SLC17A8: variants seen among roughly 807,000 people sequenced by gnomAD.
SLC17A8 encodes vesicular glutamate transporter 3.
Under a neutral mutation model 58.0 loss-of-function variants are expected in SLC17A8, and 31 were observed. That is an observed-to-expected ratio of 0.53 (90% CI 0.40 to 0.72). The LOEUF (loss-of-function observed/expected upper bound fraction) is 0.72, where lower values mean the gene tolerates loss of function less well. SLC17A8 is among the 30% of genes least tolerant of loss of function. The pLI is 0.00. For synonymous variants in SLC17A8, 228 were observed against 249.0 expected (o/e 0.92, Z 0.79); for missense variants, 655 against 727.8 (o/e 0.90, Z 1.15).
At chr12:100,360,082 A>G (rs1014376522) in intron 1 of SLC17A8, among the ~76,000 whole-genome samples, 2 of 152,224 alleles carry the variant, frequency 1.3e-5, no homozygotes, top group Non-Finnish European at 2.9e-5. Flanking sequence ...GAGTTCGCAC[A>G]CAGGCTTGAT....
intron 5 of SLC17A8, among the ~76,000 whole-genome samples, chr12:100,398,237 T>A (rs1378622916): frequency 6.6e-6 from 1 of 152,162 alleles, no homozygotes; most frequent in Non-Finnish European, 1.5e-5. Flanking sequence ...AGCTGAGATG[T>A]CTTTACATAT....
intron 4 of SLC17A8, among the ~76,000 whole-genome samples, chr12:100,394,475 C>T (rs569137602): frequency 1.1e-3 from 171 of 149,392 alleles, no homozygotes; most frequent in Non-Finnish European, 2.0e-3. Context: ...GATCTCGGCC[C>T]GTTGCAACAT....
chr12:100,367,712 G>A (rs888987606), intron 1 of SLC17A8, among the ~76,000 whole-genome samples: 3 of 152,024 alleles, frequency 2.0e-5, no homozygotes, highest in African/African-American at 7.2e-5. Flanking sequence ...CACCATGCTT[G>A]GCTAATTTTT....
intron 1 of SLC17A8, among the ~76,000 whole-genome samples, chr12:100,379,758 T>C (rs1216745607): frequency 1.6e-5 from 1 of 62,360 alleles, no homozygotes; most frequent in Non-Finnish European, 2.5e-5. Context: ...ATAATTGGAA[T>C]CTATAGAGGT....
At chr12:100,393,315 A>G (rs1299875929) in intron 3 of SLC17A8, 54 bp from the exon 4 acceptor site, 5 of 1,175,458 alleles carry the variant, frequency 4.3e-6, no homozygotes, top group Middle Eastern at 1.9e-4. Flanking sequence ...GCTTAGCTGA[A>G]GTAGCACATC....
chr12:100,403,547 G>C (rs1054981049), intron 8 of SLC17A8, among the ~76,000 whole-genome samples: 3 of 151,874 alleles, frequency 2.0e-5, no homozygotes, highest in African/African-American at 7.3e-5. Flanking sequence ...TTATCATCAA[G>C]CCAATTGTGT....
intron 1 of SLC17A8, among the ~76,000 whole-genome samples, chr12:100,372,260 T>C (rs1952563786): frequency 6.6e-6 from 1 of 152,208 alleles, no homozygotes; most frequent in Admixed American, 6.5e-5. Flanking sequence ...TGTCCTTGGC[T>C]TGCAGATATT....
At chr12:100,373,577 CTT>C (rs11296057) in intron 1 of SLC17A8, among the ~76,000 whole-genome samples, 1,109 of 87,608 alleles carry the variant, frequency 0.013, 19 homozygotes, top group African/African-American at 0.039. Flanking sequence ...AAATCAGTGA[CTT>C]TTTTTTTTTT....
At chr12:100,378,738 C>T (rs1952611685) in intron 1 of SLC17A8, among the ~76,000 whole-genome samples, 1 of 152,034 alleles carries the variant, frequency 6.6e-6, no homozygotes, top group Non-Finnish European at 1.5e-5. Flanking sequence ...TAGACCCCAT[C>T]AGTATAAATG....
At position 100,373,577 on chromosome 12, in the gene SLC17A8, C is replaced by T. The variant is rs925976357; in HGVS notation, c.102-7124C>T. On this transcript the variant is annotated intron_variant, in intron 1 of 11. Coordinates refer to ENST00000323346, the MANE Select transcript of SLC17A8 (RefSeq NM_139319.3). The stretch of plus-strand genomic sequence containing the variant: ...TTCATATATGGACACAAATCAGTGA[C>T]TTTTTTTTTTTTTTTTTTTTTTTCC... 3.8e-3 allele frequency among the ~76,000 whole-genome samples: 330 copies of T among 87,636 alleles called. 1 individual carries two copies. Among genetic ancestry groups the T allele is most frequent in the African/African-American group, 0.013 (313 of 23,220 alleles). 57.5% of individuals were successfully genotyped at this position (87,636 alleles called of 152,430 possible).
At chr12:100,369,225 G>A (rs555098831) in intron 1 of SLC17A8, among the ~76,000 whole-genome samples, 247 of 152,214 alleles carry the variant, frequency 1.6e-3, no homozygotes, top group African/African-American at 5.1e-3. Flanking sequence ...GCAGTGAGCC[G>A]AAATCCCACC....
rs183114984 is a variant in SLC17A8, at chr12:100,407,522, T to C, written c.1186+3352T>C. Among the ~76,000 whole-genome samples, 571 of 152,328 alleles carry C rather than the reference T, an allele frequency of 3.7e-3. 2 individuals carry two copies. The highest frequency in any genetic ancestry group is 0.013 in the African/African-American group (540 of 41,586). On this transcript the variant is annotated intron_variant, in intron 9 of 11. Coordinates refer to ENST00000323346, the MANE Select transcript of SLC17A8 (RefSeq NM_139319.3). ...CTAGAAGGCATATGTGGAATCTTTC[T>C]GCCTCATCTCCCATCTTTAAAAAAT...
chr12:100,396,710 A>G (rs943530272), intron 5 of SLC17A8, among the ~76,000 whole-genome samples: 1 of 152,144 alleles, frequency 6.6e-6, no homozygotes, highest in Non-Finnish European at 1.5e-5. Context: ...TGATGGCCAC[A>G]GCACTCCAGC....
chr12:100,420,152 T>C lies in SLC17A8; in HGVS notation c.1763T>C (p.Ile588Thr). The change falls in exon 12 of 12, where the codon ATA (isoleucine) becomes ACA (threonine). Residue 588 changes from isoleucine (I) to threonine (T), a missense_variant. Coordinates refer to ENST00000323346, the MANE Select transcript of SLC17A8 (RefSeq NM_139319.3). ...YQNEERNFST[I>T]S ...AATGAAGAGAGAAACTTCTCAACTA[T>C]ATCCTAATGTCTGAGAGGCACTTCT... 1 of 1,611,318 alleles carries C rather than the reference T, an allele frequency of 6.2e-7. No individual in the cohort carries two copies. Among genetic ancestry groups the C allele is most frequent in the Non-Finnish European group, 8.5e-7 (1 of 1,178,474 alleles).
At chr12:100,415,161 C>CT (rs1555327661) in intron 10 of SLC17A8, among the ~76,000 whole-genome samples, 9 of 151,326 alleles carry the variant, frequency 5.9e-5, no homozygotes, top group South Asian at 2.1e-4. Context: ...TTTTGTTTTC[C>CT]TTTTTTTTTA....
At position 100,422,042 on chromosome 12, in the gene SLC17A8, TA is replaced by T. The variant is rs1296951740; in HGVS notation, c.*1889del. The T allele has an allele frequency of 6.6e-6, 1 of 152,164 alleles. No individual in the cohort carries two copies. Among genetic ancestry groups the T allele is most frequent in the African/African-American group, 2.4e-5 (1 of 41,446 alleles). The allele number at this position is 152,164 out of a possible 1,614,324, so 9.4% of individuals were successfully genotyped here. On this transcript the variant is annotated 3_prime_UTR_variant, in exon 12 of 12. Coordinates refer to ENST00000323346, the MANE Select transcript of SLC17A8 (RefSeq NM_139319.3). ...GCTGTTTTCTAAGTAAAATAAAAAATAAAAAATTAGCAATTTATGATAGCCA... is the reference window on the plus strand; with the variant it reads ...GCTGTTTTCTAAGTAAAATAAAAAATAAAAATTAGCAATTTATGATAGCCA...
intron 9 of SLC17A8, among the ~76,000 whole-genome samples, chr12:100,410,360 T>C (rs1952857899): frequency 6.6e-6 from 1 of 152,084 alleles, no homozygotes; most frequent in Admixed American, 6.5e-5. Context: ...CTGGGCATGG[T>C]GGTGGGTGCC....
chr12:100,388,433 T>C (rs947823037), intron 2 of SLC17A8, among the ~76,000 whole-genome samples: 1 of 152,230 alleles, frequency 6.6e-6, no homozygotes, highest in African/African-American at 2.4e-5. Context: ...CTATGCGTGT[T>C]ACACAATAAA....
At chr12:100,408,240 A>G (rs1209255386) in intron 9 of SLC17A8, among the ~76,000 whole-genome samples, 1 of 152,198 alleles carries the variant, frequency 6.6e-6, no homozygotes, top group Admixed American at 6.5e-5. Context: ...AAAATCATTT[A>G]AAGCAAAACA....
Sources: gnomAD v4.1 joint callset for allele counts (sites outside exome capture counted in the v4.1 genomes callset) on GRCh38, gnomAD v4.1.1 for gene constraint, MANE v1.5 for transcripts, NCBI Gene and HGNC (gene_info 2026-07-23, HGNC 2026-07-21) for gene names.